ACTN4: variants seen among roughly 807,000 people sequenced by gnomAD.
The protein encoded by ACTN4 is actinin alpha 4.
A neutral mutation model predicts 114.2 loss-of-function variants in ACTN4; 18 were observed. The ratio of observed to expected loss-of-function variants is 0.16; its 90% CI spans 0.11 to 0.23. The LOEUF (loss-of-function observed/expected upper bound fraction) is 0.23. ACTN4 is among the 10% of genes least tolerant of loss of function. ACTN4 has a pLI of 1.00. For synonymous variants in ACTN4, 515 were observed against 506.3 expected, an observed-to-expected ratio of 1.02 and a Z score of -0.23; for missense variants, 722 against 1,262.9, an observed-to-expected ratio of 0.57 and a Z score of 6.49.
At position 38,725,742 on chromosome 19, in the gene ACTN4, A is replaced by T. The variant is rs1382246597; in HGVS notation, c.2029A>T (p.Ile677Phe). 3.7e-6 allele frequency: 6 copies of T among 1,613,966 alleles called. No homozygotes were observed. Among genetic ancestry groups the T allele is most frequent in the Non-Finnish European group, 5.1e-6 (6 of 1,179,994 alleles). Reference protein sequence around the residue: ...TKMEEIGRISIEMNGTLEDQL... With the variant: ...TKMEEIGRISFEMNGTLEDQL... ...CCCGTAGGAGATCGGGCGCATCTCC[A>T]TTGAGATGAACGGGACCCTGGAGGA... The change falls in exon 17 of 21, where the codon ATT (isoleucine) becomes TTT (phenylalanine). Residue 677 changes from isoleucine (I) to phenylalanine (F), a missense_variant. By Grantham distance (21) the Ile-to-Phe change is conservative. This residue lies in a region of ACTN4 where 523 missense variants were observed against 875.9 expected (regional missense o/e 0.60). Coordinates refer to ENST00000252699, the MANE Select transcript of ACTN4 (RefSeq NM_004924.6).
chr19:38,678,339 G>C (rs1967443488), intron 1 of ACTN4, among the ~76,000 whole-genome samples: 1 of 152,216 alleles, frequency 6.6e-6, no homozygotes, highest in Admixed American at 6.5e-5. Context: ...ACAGTAAAGT[G>C]TTTCTAGGGA....
At chr19:38,667,249 C>T (rs1966989931) in intron 1 of ACTN4, among the ~76,000 whole-genome samples, 1 of 152,128 alleles carries the variant, frequency 6.6e-6, no homozygotes, top group Non-Finnish European at 1.5e-5. Context: ...GCCAAGGAGG[C>T]AAACCTAGGG....
At chr19:38,678,824 C>T (rs1967460133) in intron 1 of ACTN4, among the ~76,000 whole-genome samples, 2 of 152,132 alleles carry the variant, frequency 1.3e-5, no homozygotes, top group Admixed American at 6.6e-5. Context: ...AGACAAAACC[C>T]GGGACTGTTT....
At chr19:38,656,642 C>T (rs1048628750) in intron 1 of ACTN4, among the ~76,000 whole-genome samples, 1 of 152,174 alleles carries the variant, frequency 6.6e-6, no homozygotes, top group Non-Finnish European at 1.5e-5. Flanking sequence ...ACAATGAAGT[C>T]ATCTTGGGAA....
chr19:38,729,646 G>A lies in ACTN4; in HGVS notation c.*214G>A. 2.7e-6 allele frequency: 2 copies of A among 741,960 alleles called. No homozygotes were observed. The highest frequency in any genetic ancestry group is 3.0e-5 in the South Asian group (2 of 67,450). The allele number at this position is 741,960 out of a possible 1,614,324, so 46.0% of individuals were successfully genotyped here. A position where few individuals can be genotyped will look rare whatever the true frequency, so the allele number is the denominator to read the frequency against. ...CCCGACCAGGTTGGGGAGACTTGGG[G>A]CCAGCGCTTCTGGTCTGGTAAATAT... On this transcript the variant is annotated 3_prime_UTR_variant, in exon 21 of 21. Transcript: ENST00000252699.
At chr19:38,713,297 C>T (rs1444529359) in intron 8 of ACTN4, among the ~76,000 whole-genome samples, 1 of 152,336 alleles carries the variant, frequency 6.6e-6, no homozygotes, top group East Asian at 1.9e-4. Context: ...GGGAACTCAG[C>T]GGTGAAACAT....
At chr19:38,696,675 C>G (rs1465006333) in intron 1 of ACTN4, among the ~76,000 whole-genome samples, 2 of 152,170 alleles carry the variant, frequency 1.3e-5, no homozygotes, top group African/African-American at 4.8e-5. Flanking sequence ...GCTTTGTGAA[C>G]CTCTGATGTC....
intron 11 of ACTN4, among the ~76,000 whole-genome samples, chr19:38,719,020 C>T (rs1448271119): frequency 6.6e-6 from 1 of 152,258 alleles, no homozygotes; most frequent in African/African-American, 2.4e-5. Context: ...TTCCCAGAGC[C>T]TCCTTCCCGG....
intron 1 of ACTN4, among the ~76,000 whole-genome samples, chr19:38,667,158 G>C (rs898594577): frequency 1.3e-5 from 2 of 152,158 alleles, no homozygotes; most frequent in African/African-American, 4.8e-5. Context: ...CAGAACAGGG[G>C]GAGGACTCAA....
In ACTN4 at chr19:38,729,854, C is replaced by T; in HGVS notation, c.*422C>T. On this transcript the variant is annotated 3_prime_UTR_variant, in exon 21 of 21. Coordinates refer to ENST00000252699, the MANE Select transcript of ACTN4 (RefSeq NM_004924.6). ...TGCCTTGTCCAGGAACTGCCTGGGC[C>T]ATGCGAGGGGCCAGCAGAGGGCGCC... is the stretch of plus-strand genomic sequence containing the variant. 2 of 369,110 alleles carry T rather than the reference C, an allele frequency of 5.4e-6. No homozygotes were observed. The highest frequency in any genetic ancestry group is 4.1e-5 in the South Asian group (2 of 49,196). 22.9% of individuals were successfully genotyped at this position (369,110 alleles called of 1,614,324 possible).
At chr19:38,705,281 G>A (rs1279795900) in intron 4 of ACTN4, among the ~76,000 whole-genome samples, 1 of 152,204 alleles carries the variant, frequency 6.6e-6, no homozygotes, top group African/African-American at 2.4e-5. Flanking sequence ...CTCATGAGAT[G>A]GGCTAGGATG....
chr19:38,661,797 C>T (rs544283818), intron 1 of ACTN4, among the ~76,000 whole-genome samples: 31 of 152,290 alleles, frequency 2.0e-4, no homozygotes, highest in Non-Finnish European at 2.9e-4. Context: ...GGACTACAGG[C>T]GCCCGCCACC....
chr19:38,719,240 C>A lies in ACTN4; in HGVS notation c.1291+1166C>A, dbSNP rs901021620. Among the ~76,000 whole-genome samples the A allele has an allele frequency of 3.9e-5, 6 of 152,226 alleles. No homozygotes were observed. The East Asian group carries it at 9.6e-4, about 24-fold the overall frequency. ...GCCACAAGAGCCACTCACAGGACTC[C>A]TCTCCCACTCTGGCCACCACCTTCC... On this transcript the variant is annotated intron_variant, in intron 11 of 20. Transcript: ENST00000252699.
intron 19 of ACTN4, 115 bp downstream of exon 19, chr19:38,728,141 C>A: frequency 7.3e-7 from 1 of 1,369,976 alleles, no homozygotes; most frequent in Non-Finnish European, 1.0e-6. Context: ...CATCTCATGG[C>A]TCTCTTGCCT....
At chr19:38,693,077 AT>A (rs1286563754) in intron 1 of ACTN4, among the ~76,000 whole-genome samples, 1 of 152,188 alleles carries the variant, frequency 6.6e-6, no homozygotes, top group African/African-American at 2.4e-5. Flanking sequence ...CCTGGGTGAT[AT>A]CCTGCTAGGC....
In ACTN4 at chr19:38,719,609, C is replaced by T. The variant is rs553302493; in HGVS notation, c.1291+1535C>T. ...CACCCATGTGAGGAGAGCGTGTTAGCACCGATGCCATCTTGTGTGGTTGGT... is the reference window on the plus strand; with the variant it reads ...CACCCATGTGAGGAGAGCGTGTTAGTACCGATGCCATCTTGTGTGGTTGGT... On this transcript the variant is annotated intron_variant, in intron 11 of 20. Transcript: ENST00000252699. 2.6e-5 allele frequency among the ~76,000 whole-genome samples: 4 copies of T among 152,380 alleles called. No homozygotes were observed. In the South Asian group the frequency reaches 8.3e-4, roughly 32 times the overall value.
intron 1 of ACTN4, among the ~76,000 whole-genome samples, chr19:38,673,761 A>ATACT (rs1391867713): frequency 8.4e-6 from 1 of 119,470 alleles, no homozygotes; most frequent in African/African-American, 3.2e-5. Flanking sequence ...ATATTTTTAT[A>ATACT]TATATATATT....
rs1030040917 is a variant in ACTN4, at chr19:38,710,395, G to A, written c.819+53G>A. On this transcript the variant is annotated intron_variant, in intron 8 of 20. Transcript: ENST00000252699. The stretch of plus-strand genomic sequence containing the variant: ...CTCGCCGCCACCGCGCAATGCCGCC[G>A]CTGCCTCTCGCCTCCCGTGCTCACC... The A allele has an allele frequency of 4.9e-5, 76 of 1,564,186 alleles. No homozygotes were observed. In the African/African-American group the frequency reaches 6.1e-4, roughly 12 times the overall value.
intron 1 of ACTN4, among the ~76,000 whole-genome samples, chr19:38,663,328 C>G (rs1976947030): frequency 6.6e-6 from 1 of 152,220 alleles, no homozygotes. Flanking sequence ...TCGCTGGGCC[C>G]CTCTTCAGAG....
Sources: allele counts gnomAD v4.1 joint callset (sites outside exome capture counted in the v4.1 genomes callset), GRCh38; gene constraint gnomAD v4.1.1; regional missense constraint gnomAD v4.1.1; transcripts MANE v1.5; gene names NCBI Gene and HGNC (gene_info 2026-07-23, HGNC 2026-07-21).